Variants in SP140 observed in about 807,000 individuals in gnomAD.
The protein encoded by SP140 is SP140 nuclear body protein, also known as nuclear body protein SP140.
In SP140, 81 loss-of-function variants were observed where a neutral mutation model predicts 125.0. That is an observed-to-expected ratio of 0.65 (90% CI 0.54 to 0.78). SP140 has a LOEUF of 0.78. Ranked by LOEUF, SP140 falls within the 30% of genes least tolerant of loss-of-function variation. The probability of loss-of-function intolerance (pLI) is 0.00; values close to 1 mark genes in which losing one functional copy is unlikely to be tolerated. For missense variants in SP140, 858 were observed against 1,037.0 expected, an observed-to-expected ratio of 0.83 and a Z score of 2.37; for synonymous variants, 312 against 354.0, an observed-to-expected ratio of 0.88 and a Z score of 1.33.
intron 1 of SP140, chr2:230,230,578 T>C (rs901686936): frequency 2.6e-5 from 4 of 152,294 alleles, no homozygotes; most frequent in African/African-American, 7.2e-5. Context: ...AGTTAAACTA[T>C]AAACTAAATT....
chr2:230,251,066 A>G lies in SP140; in HGVS notation c.1057+5A>G. ...CCCTAGCAAGATGTGGGTCAGGTAA[A>G]GAAGGGGAGGATTTCTGGCCCTGGG... On this transcript the variant is annotated splice_donor_5th_base_variant and intron_variant, in intron 10 of 26. Transcript: ENST00000392045. 5 of 1,612,210 alleles carry G rather than the reference A, an allele frequency of 3.1e-6. No individual in the cohort carries two copies. The highest frequency in any genetic ancestry group is 2.7e-5 in the African/African-American group (2 of 75,000).
intron 12 of SP140, among the ~76,000 whole-genome samples, chr2:230,255,763 T>C (rs2051092027): frequency 6.6e-6 from 1 of 152,206 alleles, no homozygotes; most frequent in Non-Finnish European, 1.5e-5. Context: ...TTTGAACATA[T>C]GTGTTCAGGC....
chr2:230,315,313 T>C (rs2059477417), downstream of SP140, among the ~76,000 whole-genome samples: 1 of 152,174 alleles, frequency 6.6e-6, no homozygotes, highest in Admixed American at 6.5e-5. Context: ...GGGAGGGCTC[T>C]ATGGCCATTT....
At chr2:230,247,045 T>C (rs1346873707) in intron 7 of SP140, among the ~76,000 whole-genome samples, 2 of 152,168 alleles carry the variant, frequency 1.3e-5, no homozygotes, top group Non-Finnish European at 2.9e-5. Flanking sequence ...TTTCACATTA[T>C]GGTGTCCCCA....
chr2:230,314,123 C>A (rs2059463646), downstream of SP140, among the ~76,000 whole-genome samples: 1 of 152,170 alleles, frequency 6.6e-6, no homozygotes, highest in Non-Finnish European at 1.5e-5. Flanking sequence ...ATGCCAATGT[C>A]AAGGCCATGA....
chr2:230,289,852 T>G (rs763557484), intron 18 of SP140, among the ~76,000 whole-genome samples: 24 of 152,184 alleles, frequency 1.6e-4, no homozygotes, highest in Admixed American at 7.9e-4. Context: ...CCCCCTTCTC[T>G]GTGAAATCAG....
At chr2:230,200,023 C>A (rs547448207), upstream of SP140, among the ~76,000 whole-genome samples, 1 of 152,096 alleles carries the variant, frequency 6.6e-6, no homozygotes, top group Non-Finnish European at 1.5e-5. Flanking sequence ...GTCATTCAAT[C>A]TTCTCCAAGG....
chr2:230,191,318 C>CA, the SP140 span, among the ~76,000 whole-genome samples: 1 of 151,740 alleles, frequency 6.6e-6, no homozygotes, highest in Admixed American at 6.6e-5. Flanking sequence ...GATAGAGACA[C>CA]AAAAAACCCT....
At chr2:230,250,947 A>T (rs1475623000) in intron 9 of SP140, 34 bp from the exon 10 acceptor site, 2 of 1,610,658 alleles carry the variant, frequency 1.2e-6, no homozygotes, top group African/African-American at 2.7e-5. Context: ...TTTTCTCTTC[A>T]TAATTTCTTG....
At chr2:230,231,757 A>G (rs1326714626) in intron 1 of SP140, among the ~76,000 whole-genome samples, 1 of 151,892 alleles carries the variant, frequency 6.6e-6, no homozygotes, top group East Asian at 1.9e-4. Flanking sequence ...CCCAGGCTAT[A>G]GTGCAGTGGC....
chr2:230,315,162 G>A (rs147266034), downstream of SP140, among the ~76,000 whole-genome samples: 2 of 152,306 alleles, frequency 1.3e-5, no homozygotes, highest in African/African-American at 4.8e-5. Context: ...CTCTCTAAAG[G>A]TGAAGTCTAG....
At chr2:230,209,674 G>C (rs2044252447) in intron 1 of SP140, among the ~76,000 whole-genome samples, 1 of 152,178 alleles carries the variant, frequency 6.6e-6, no homozygotes, top group Admixed American at 6.5e-5. Context: ...AAGAAGTTGT[G>C]AATATAGGAG....
intron 1 of SP140, among the ~76,000 whole-genome samples, chr2:230,204,086 G>A (rs2043488627): frequency 6.6e-6 from 1 of 152,162 alleles, no homozygotes; most frequent in African/African-American, 2.4e-5. Flanking sequence ...AAAATAAAAC[G>A]ATTCTTTTAA....
chr2:230,237,343 G>GTCCCCACTCACAGGAGGCCCTTTA lies in SP140; in HGVS notation c.237+83_237+84insTCCCCACTCACAGGAGGCCCTTTA. ...TCAAGATGCAATGAGCAGGCTAAAG[G>GTCCCCACTCACAGGAGGCCCTTTA]GCCTCCTGTGAGTGGGGACCTTCAC... On this transcript the variant is annotated intron_variant, in intron 2 of 26. Coordinates refer to ENST00000392045, the MANE Select transcript of SP140 (RefSeq NM_007237.5). This position sits in a 1 kb window ranked among gnomAD's most constrained non-coding sequence, Gnocchi z 5.4. The GTCCCCACTCACAGGAGGCCCTTTA allele has an allele frequency of 7.8e-7, 1 of 1,280,640 alleles. No individual in the cohort carries two copies. Among genetic ancestry groups the GTCCCCACTCACAGGAGGCCCTTTA allele is most frequent in the Non-Finnish European group, 1.1e-6 (1 of 912,470 alleles). The allele number at this position is 1,280,640 out of a possible 1,614,324, so 79.3% of individuals were successfully genotyped here.
intron 4 of SP140, among the ~76,000 whole-genome samples, chr2:230,242,565 C>T (rs2048874686): frequency 6.6e-6 from 1 of 152,148 alleles, no homozygotes; most frequent in African/African-American, 2.4e-5. Context: ...TAGACATCTA[C>T]ACTTGATTTT....
Position 230,247,959 on chromosome 2 carries a change from C to T in SP140, c.786C>T (p.Ser262=), listed in dbSNP as rs375160998. Residue 262 remains serine (S), a synonymous_variant, in exon 8 of 27, where the codon AGC becomes AGT. Transcript: ENST00000392045. The part of the protein sequence containing the change: ...NGMIDAARTY[S]TAPGEKQGEE... ...TGATAGATGCGGCAAGGACATACAG[C>T]ACAGCACCAGGGGAGAAACAGGGAG... 535 of 1,613,854 alleles carry T rather than the reference C, an allele frequency of 3.3e-4. 5 individuals carry two copies. The African/African-American group carries it at 6.1e-3, about 19-fold the overall frequency.
At chr2:230,217,846 A>T (rs1476781671) in intron 3 of SP140, among the ~76,000 whole-genome samples, 1 of 152,244 alleles carries the variant, frequency 6.6e-6, no homozygotes, top group Admixed American at 6.5e-5. Flanking sequence ...AAATGGGTAG[A>T]GTTCAGCTGG....
Position 230,251,053 on chromosome 2 carries a change from G to C in SP140, c.1049G>C (p.Cys350Ser). The change falls in exon 10 of 27, where the codon TGT becomes TCT. Residue 350 changes from cysteine to serine, a missense_variant. Cys to Ser is a moderately radical substitution (Grantham distance 112). This residue lies in a region of SP140 where 791 missense variants were observed against 869.5 expected (regional missense o/e 0.91). Coordinates refer to ENST00000392045, the MANE Select transcript of SP140 (RefSeq NM_007237.5). Reference sequence around the variant, plus strand: ...GAAGCCTCTAGCTCCCTAGCAAGATGTGGGTCAGGTAAAGAAGGGGAGGAT... The same window carrying C: ...GAAGCCTCTAGCTCCCTAGCAAGATCTGGGTCAGGTAAAGAAGGGGAGGAT... ...PQEASSSLARCGSVSCLSAET... is the reference protein window; with the variant it reads ...PQEASSSLARSGSVSCLSAET... The C allele has an allele frequency of 6.2e-7, 1 of 1,613,254 alleles. No homozygotes were observed. Among genetic ancestry groups the C allele is most frequent in the Non-Finnish European group, 8.5e-7 (1 of 1,179,740 alleles).
chr2:230,236,198 C>G (rs1226847140), intron 1 of SP140, among the ~76,000 whole-genome samples: 3 of 152,116 alleles, frequency 2.0e-5, no homozygotes, highest in Non-Finnish European at 4.4e-5. Context: ...TTAATCAAAC[C>G]TTACCAGATG....
Sources: gnomAD v4.1 joint callset for allele counts (sites outside exome capture counted in the v4.1 genomes callset) on GRCh38, gnomAD v4.1.1 for gene constraint, gnomAD v4.1.1 regional missense constraint, Gnocchi (gnomAD v3.1) non-coding constraint, MANE v1.5 for transcripts, NCBI Gene and HGNC (gene_info 2026-07-23, HGNC 2026-07-21) for gene names.